Variants in MPP7 observed in about 807,000 individuals in gnomAD.
MPP7 encodes the protein MAGUK p55 subfamily member 7.
Under a neutral mutation model 76.5 loss-of-function variants are expected in MPP7, and 60 were observed. The ratio of observed to expected loss-of-function variants is 0.78; its 90% confidence interval spans 0.64 to 0.97. The LOEUF is 0.97. MPP7 is among the 50% of genes least tolerant of loss of function. The pLI, the probability that MPP7 is intolerant of heterozygous loss-of-function variation, is 0.00. For synonymous variants in MPP7, 237 were observed against 244.5 expected (o/e 0.97, Z 0.29); for missense variants, 641 against 694.0 (o/e 0.92, Z 0.86).
At chr10:28,196,569 C>G (rs1449035165) in intron 3 of MPP7, among the ~76,000 whole-genome samples, 3 of 151,916 alleles carry the variant, frequency 2.0e-5, no homozygotes, top group Non-Finnish European at 4.4e-5. Context: ...CTAAAATTAC[C>G]TCTCATCTCC....
chr10:28,126,955 T>C (rs889331297), intron 6 of MPP7, among the ~76,000 whole-genome samples: 2 of 152,086 alleles, frequency 1.3e-5, no homozygotes, highest in Non-Finnish European at 2.9e-5. Flanking sequence ...CAGGTAACAG[T>C]TGTGTAAATG....
chr10:28,155,780 AC>A (rs1420632635), intron 3 of MPP7, among the ~76,000 whole-genome samples: 1 of 151,784 alleles, frequency 6.6e-6, no homozygotes, highest in African/African-American at 2.4e-5. Context: ...AAAAAAAAAA[AC>A]AAAACAAAAC....
At position 28,147,669 on chromosome 10, in the gene MPP7, T is replaced by A. The variant is rs527501718; in HGVS notation, c.235-106A>T. 19 of 950,058 alleles carry A rather than the reference T, an allele frequency of 2.0e-5. No individual in the cohort carries two copies. In the Admixed American group the frequency reaches 2.6e-4, roughly 13 times the overall value. The allele number at this position is 950,058 out of a possible 1,614,324, so 58.9% of individuals were successfully genotyped here. ...CTTGCTCAAGGCTATTACTTTCCAATGTTTAAGGAGAGGTCAGCATAAAAG... is the reference window on the plus strand; with the variant it reads ...CTTGCTCAAGGCTATTACTTTCCAAAGTTTAAGGAGAGGTCAGCATAAAAG... On this transcript the variant is annotated intron_variant, in intron 4 of 16. Transcript: ENST00000683449.
At chr10:28,072,285 A>G (rs1234987768) in intron 12 of MPP7, among the ~76,000 whole-genome samples, 1 of 152,170 alleles carries the variant, frequency 6.6e-6, no homozygotes, top group Non-Finnish European at 1.5e-5. Context: ...AAAATAAAAT[A>G]AAATAAAGAA....
At chr10:28,176,758 T>C (rs1175379142) in intron 3 of MPP7, among the ~76,000 whole-genome samples, 1 of 151,270 alleles carries the variant, frequency 6.6e-6, no homozygotes, top group Non-Finnish European at 1.5e-5. Context: ...ACCATCATTC[T>C]GAGCAAACTT....
In MPP7 at chr10:28,218,054, T is replaced by C. The variant is rs530390577; in HGVS notation, c.38-15783A>G. Among the ~76,000 whole-genome samples the C allele has an allele frequency of 4.6e-5, 7 of 152,222 alleles. No homozygotes were observed. The South Asian group carries it at 1.0e-3, about 23-fold the overall frequency. ...CTTTACGCCTAAATGAAAATAACGA[T>C]GTGTAATGCAACTGAAAGTTACTGA... On this transcript the variant is annotated intron_variant, in intron 2 of 16. Coordinates refer to ENST00000683449, the MANE Select transcript of MPP7 (RefSeq NM_001318170.2).
chr10:28,085,231 T>G (rs1442053267), intron 12 of MPP7, among the ~76,000 whole-genome samples: 3 of 152,208 alleles, frequency 2.0e-5, no homozygotes, highest in Non-Finnish European at 4.4e-5. Context: ...TGTAACTTAA[T>G]GCTTCAGGAT....
chr10:28,245,184 A>C (rs1251685556), intron 1 of MPP7, among the ~76,000 whole-genome samples: 1 of 152,234 alleles, frequency 6.6e-6, no homozygotes, highest in East Asian at 1.9e-4. Flanking sequence ...TTGGGGGCAG[A>C]GAAGAGTGAT....
At chr10:28,158,995 C>T (rs1001381443) in intron 3 of MPP7, among the ~76,000 whole-genome samples, 1 of 152,058 alleles carries the variant, frequency 6.6e-6, no homozygotes, top group East Asian at 1.9e-4. Context: ...TATCCCCCAT[C>T]CCCAAGCCAA....
chr10:28,120,858 A>T (rs1289189388), intron 8 of MPP7, among the ~76,000 whole-genome samples, 190 bp from the exon 9 acceptor site: 1 of 152,246 alleles, frequency 6.6e-6, no homozygotes, highest in Non-Finnish European at 1.5e-5. Flanking sequence ...AAGTTTGTAG[A>T]ATAAGTTAAA....
At chr10:28,220,931 G>T (rs2134063345) in intron 2 of MPP7, among the ~76,000 whole-genome samples, 1 of 152,250 alleles carries the variant, frequency 6.6e-6, no homozygotes, top group East Asian at 1.9e-4. Flanking sequence ...AGGCTTGTTA[G>T]TGGAATTAAA....
At chr10:28,196,947 C>T (rs1254199479) in intron 3 of MPP7, among the ~76,000 whole-genome samples, 1 of 152,110 alleles carries the variant, frequency 6.6e-6, no homozygotes, top group Non-Finnish European at 1.5e-5. Context: ...GAAGAAAGCC[C>T]ATTTACCTTC....
chr10:28,147,069 G>A (rs376027915), intron 5 of MPP7, among the ~76,000 whole-genome samples: 1 of 152,142 alleles, frequency 6.6e-6, no homozygotes, highest in Non-Finnish European at 1.5e-5. Context: ...GACAGGAAAT[G>A]GGGAGGTGAA....
In MPP7 at chr10:28,291,754, G is replaced by A. The variant is rs556224128; in HGVS notation, c.-132+11107C>T. 2.6e-5 allele frequency among the ~76,000 whole-genome samples: 4 copies of A among 152,284 alleles called. No individual in the cohort carries two copies. In the East Asian group the frequency reaches 7.7e-4, roughly 29 times the overall value. ...AAAATATATTTGTACACTATAAAATGTGCTTGTGTTTGAAGCTGTGTTATT... is the reference window on the plus strand; with the variant it reads ...AAAATATATTTGTACACTATAAAATATGCTTGTGTTTGAAGCTGTGTTATT... On this transcript the variant is annotated intron_variant, in intron 1 of 16. Coordinates refer to ENST00000683449, the MANE Select transcript of MPP7 (RefSeq NM_001318170.2).
In MPP7 at chr10:28,199,199, C is replaced by T. The variant is rs542223399; in HGVS notation, c.156+2954G>A. 9.2e-5 allele frequency among the ~76,000 whole-genome samples: 14 copies of T among 152,146 alleles called. No homozygotes were observed. The East Asian group carries it at 2.3e-3, about 25-fold the overall frequency. On this transcript the variant is annotated intron_variant, in intron 3 of 16. Coordinates refer to ENST00000683449, the MANE Select transcript of MPP7 (RefSeq NM_001318170.2). ...CACCCCCCACGATTCGATTATCTCC[C>T]GCGGGGTCCTTCCCACAACACATAT...
At chr10:28,211,615 C>A (rs1564704898) in intron 2 of MPP7, among the ~76,000 whole-genome samples, 1 of 152,086 alleles carries the variant, frequency 6.6e-6, no homozygotes. Context: ...AATGTATTCA[C>A]ATTGAGTAAA....
At chr10:28,087,406 T>C (rs1272594787) in intron 12 of MPP7, among the ~76,000 whole-genome samples, 1 of 152,126 alleles carries the variant, frequency 6.6e-6, no homozygotes, top group Non-Finnish European at 1.5e-5. Flanking sequence ...TCTTTCTTTC[T>C]TTTTTTAATT....
chr10:28,168,522 C>CT (rs1008014685), intron 3 of MPP7, among the ~76,000 whole-genome samples: 1 of 150,902 alleles, frequency 6.6e-6, no homozygotes, highest in African/African-American at 2.4e-5. Context: ...ACCTCACCTT[C>CT]TTTTTTTTTG....
intron 2 of MPP7, among the ~76,000 whole-genome samples, chr10:28,209,275 G>C (rs942889703): frequency 2.2e-4 from 33 of 152,050 alleles, no homozygotes; most frequent in Non-Finnish European, 1.2e-4. Context: ...GACAAGCCTG[G>C]GCAACTTAGA....
Sources: allele counts gnomAD v4.1 joint callset (sites outside exome capture counted in the v4.1 genomes callset), GRCh38; gene constraint gnomAD v4.1.1; transcripts MANE v1.5; gene names NCBI Gene and HGNC (gene_info 2026-07-23, HGNC 2026-07-21).